The following SNTG1 variants were observed in gnomAD, a reference collection of about 807,000 sequenced individuals.
SNTG1 encodes gamma-1-syntrophin.
SNTG1 carries 39 observed loss-of-function variants against 74.7 expected under a neutral mutation model. That is an observed-to-expected ratio of 0.52 (90% CI 0.40 to 0.68). SNTG1 has a LOEUF of 0.68. Among genes scored for constraint, SNTG1 ranks in the 30% least tolerant of loss-of-function variants. SNTG1 has a pLI of 0.00. For missense variants in SNTG1, 685 were observed against 609.5 expected (o/e 1.12, Z -1.30); for synonymous variants, 254 against 217.1 (o/e 1.17, Z -1.49).
intron 17 of SNTG1, among the ~76,000 whole-genome samples, chr8:50,713,864 C>T (rs747330578): frequency 4.6e-5 from 7 of 152,092 alleles, no homozygotes; most frequent in Non-Finnish European, 8.8e-5. Context: ...TTAAGACCAG[C>T]ATGACCAACA....
chr8:50,123,365 T>A (rs553428236), intron 1 of SNTG1, among the ~76,000 whole-genome samples: 1 of 142,438 alleles, frequency 7.0e-6, no homozygotes, highest in African/African-American at 2.5e-5. Flanking sequence ...GAATGGAGAA[T>A]ACTGCACAGG....
chr8:50,264,478 GAGAATC>G (rs2087353162), intron 2 of SNTG1, among the ~76,000 whole-genome samples: 1 of 151,848 alleles, frequency 6.6e-6, no homozygotes, highest in East Asian at 1.9e-4. Flanking sequence ...GTGGAGGTAG[GAGAATC>G]ACTTGAATCC....
intron 2 of SNTG1, among the ~76,000 whole-genome samples, chr8:50,226,891 T>C (rs897590185): frequency 6.6e-6 from 1 of 152,168 alleles, no homozygotes; most frequent in Non-Finnish European, 1.5e-5. Flanking sequence ...TTTGACTCTT[T>C]TCATCAACAG....
chr8:50,716,881 C>T lies in SNTG1; in HGVS notation c.1284+7903C>T, dbSNP rs952372450. ...CTGAGTAACTGGGACTACAGGGGCC[C>T]GCCACCATGCCCGGCTAATTTTTTT... On this transcript the variant is annotated intron_variant, in intron 17 of 18. Transcript: ENST00000642720. Among the ~76,000 whole-genome samples, 9 of 151,748 alleles carry T rather than the reference C, an allele frequency of 5.9e-5. No homozygotes were observed. In the East Asian group the frequency reaches 1.2e-3, roughly 20 times the overall value.
At chr8:50,651,474 G>A (rs1238347653) in intron 13 of SNTG1, among the ~76,000 whole-genome samples, 4 of 151,966 alleles carry the variant, frequency 2.6e-5, no homozygotes, top group Non-Finnish European at 4.4e-5. Flanking sequence ...CTTTTGGGGG[G>A]TGGATGGATT....
intron 2 of SNTG1, among the ~76,000 whole-genome samples, chr8:50,233,571 T>C (rs1205125817): frequency 6.6e-6 from 1 of 151,526 alleles, no homozygotes; most frequent in African/African-American, 2.4e-5. Flanking sequence ...CAATCAAAAA[T>C]CAATTAAACA....
At chr8:50,181,748 T>C (rs1167664761) in intron 2 of SNTG1, among the ~76,000 whole-genome samples, 1 of 152,210 alleles carries the variant, frequency 6.6e-6, no homozygotes, top group Non-Finnish European at 1.5e-5. Flanking sequence ...CAGTGATGGA[T>C]AGTAACATGT....
intron 4 of SNTG1, 115 bp from the exon 5 acceptor site, chr8:50,438,428 T>C (rs555233571): frequency 1.3e-6 from 1 of 775,078 alleles, no homozygotes; most frequent in African/African-American, 1.7e-5. Context: ...AAGAGTTCTC[T>C]TTTGTTTTAA....
chr8:50,125,747 AGTATATGGTGTGTTACGTTGCT>A (rs148552531), intron 1 of SNTG1, among the ~76,000 whole-genome samples: 1 of 96,756 alleles, frequency 1.0e-5, no homozygotes, highest in East Asian at 2.6e-4. Context: ...CTAAGTGCTT[AGTATATGGTGTGTTACGTTGCT>A]GTATTAAGAT....
chr8:50,733,006 C>A (rs148019705), intron 17 of SNTG1, among the ~76,000 whole-genome samples: 12 of 151,898 alleles, frequency 7.9e-5, no homozygotes, highest in Non-Finnish European at 1.2e-4. Flanking sequence ...TTTCATGATG[C>A]TGAGATTCAA....
intron 2 of SNTG1, among the ~76,000 whole-genome samples, chr8:50,358,850 G>T (rs1042685204): frequency 1.3e-5 from 2 of 152,144 alleles, no homozygotes; most frequent in East Asian, 3.9e-4. Context: ...CCATCATCAA[G>T]TGTGACAATA....
At chr8:50,247,891 A>G (rs1251848274) in intron 2 of SNTG1, among the ~76,000 whole-genome samples, 4 of 151,958 alleles carry the variant, frequency 2.6e-5, no homozygotes, top group Non-Finnish European at 5.9e-5. Flanking sequence ...ATTGTCTCAT[A>G]ATTTTGTAGG....
chr8:50,010,232 C>T (rs897616149), intron 1 of SNTG1, among the ~76,000 whole-genome samples: 1 of 152,032 alleles, frequency 6.6e-6, no homozygotes, highest in African/African-American at 2.4e-5. Context: ...TTCAATTATA[C>T]CAGGCAGTAT....
Position 50,286,480 on chromosome 8 carries a change from A to G in SNTG1, c.-27-107732A>G, listed in dbSNP as rs1405128223. On this transcript the variant is annotated intron_variant, in intron 2 of 18. Transcript: ENST00000642720. ...CACCAGTCACTTCGTTTCTACTTCT[A>G]TCCAAATGGGGAAACATAATGATAG... is the stretch of plus-strand genomic sequence containing the variant. 4.6e-5 allele frequency: 7 copies of G among 152,244 alleles called. No homozygotes were observed. In the East Asian group the frequency reaches 9.7e-4, roughly 21 times the overall value. 9.4% of individuals were successfully genotyped at this position (152,244 alleles called of 1,614,324 possible). A position where few individuals can be genotyped will look rare whatever the true frequency, so the allele number is the denominator to read the frequency against.
At chr8:50,653,116 A>T (rs2095158646) in intron 13 of SNTG1, among the ~76,000 whole-genome samples, 1 of 151,450 alleles carries the variant, frequency 6.6e-6, no homozygotes, top group Admixed American at 6.6e-5. Context: ...TTTTTATTTT[A>T]TTTATTTATT....
chr8:50,585,375 G>A lies in SNTG1; in HGVS notation c.811-5504G>A, dbSNP rs181325452. 4.2e-3 allele frequency among the ~76,000 whole-genome samples: 646 copies of A among 152,240 alleles called. 9 individuals are homozygous for A. The highest frequency in any genetic ancestry group is 0.014 in the African/African-American group (586 of 41,552). On this transcript the variant is annotated intron_variant, in intron 12 of 18. Transcript: ENST00000642720. ...CAAAAGCAGCCGGTTTTGTGATACG[G>A]ACAGAAATTATGTCCTTTGATCTCT...
At chr8:50,465,450 T>C (rs2093601640) in intron 8 of SNTG1, among the ~76,000 whole-genome samples, 1 of 152,190 alleles carries the variant, frequency 6.6e-6, no homozygotes. Flanking sequence ...TCCTAAGTTG[T>C]TTTTATTCTA....
At chr8:50,472,837 A>AC (rs1286550950) in intron 8 of SNTG1, among the ~76,000 whole-genome samples, 1 of 152,132 alleles carries the variant, frequency 6.6e-6, no homozygotes, top group Non-Finnish European at 1.5e-5. Context: ...AACAACAACA[A>AC]AAAACCTTAC....
Position 50,388,327 on chromosome 8 carries a change from T to C in SNTG1, c.-27-5885T>C, listed in dbSNP as rs192887591. Among the ~76,000 whole-genome samples the C allele has an allele frequency of 1.4e-3, 211 of 152,326 alleles. 1 individual carries two copies. Among genetic ancestry groups the C allele is most frequent in the African/African-American group, 4.8e-3 (198 of 41,572 alleles). On this transcript the variant is annotated intron_variant, in intron 2 of 18. Coordinates refer to ENST00000642720, the MANE Select transcript of SNTG1 (RefSeq NM_018967.5). The stretch of plus-strand genomic sequence containing the variant: ...CTTGGTCACTGAGAACCTTGCCTTA[T>C]CAATACTTGAGTAGTAGTATTCAGT...
Sources: gnomAD v4.1 joint callset for allele counts (sites outside exome capture counted in the v4.1 genomes callset) on GRCh38, gnomAD v4.1.1 for gene constraint, MANE v1.5 for transcripts, NCBI Gene and HGNC (gene_info 2026-07-23, HGNC 2026-07-21) for gene names.